SMC1B: variants seen among roughly 807,000 people sequenced by gnomAD.
SMC1B encodes structural maintenance of chromosomes protein 1B.
A neutral mutation model predicts 157.9 loss-of-function variants in SMC1B; 60 were observed. The observed-to-expected ratio is 0.38, with a 90% CI of 0.31 to 0.47. The LOEUF (loss-of-function observed/expected upper bound fraction) is 0.47. Ranked by LOEUF, SMC1B falls within the 20% of genes least tolerant of loss-of-function variation. The probability of loss-of-function intolerance (pLI) is 0.99; values close to 1 mark genes in which losing one functional copy is unlikely to be tolerated. For missense variants in SMC1B, 1,165 were observed against 1,426.2 expected (o/e 0.82, Z 2.95); for synonymous variants, 445 against 483.0 (o/e 0.92, Z 1.03).
rs892921763 is a variant in SMC1B, at chr22:45,370,201, G to A, written c.2314-141C>T. 15 of 433,164 alleles carry A rather than the reference G, an allele frequency of 3.5e-5. No individual in the cohort carries two copies. In the Admixed American group the frequency reaches 4.4e-4, roughly 13 times the overall value. 26.8% of individuals were successfully genotyped at this position (433,164 alleles called of 1,614,324 possible). On this transcript the variant is annotated intron_variant, in intron 14 of 24. Transcript: ENST00000357450. ...AGCATTACTGTATTCTGAGAAGCCAGTACTTTTTTTTCCTTTAATTCCATA... is the reference window on the plus strand; with the variant it reads ...AGCATTACTGTATTCTGAGAAGCCAATACTTTTTTTTCCTTTAATTCCATA...
chr22:45,358,805 A>T lies in SMC1B; in HGVS notation c.2863-10T>A. On this transcript the variant is annotated splice_polypyrimidine_tract_variant and intron_variant, in intron 18 of 24. Coordinates refer to ENST00000357450, the MANE Select transcript of SMC1B (RefSeq NM_148674.5). ...CTGCTTCAGTTCCCATCTGAAAAAT[A>T]TGTGAACACATACATTTGTTGATTA... 1 of 1,582,926 alleles carries T rather than the reference A, an allele frequency of 6.3e-7. No individual in the cohort carries two copies.
rs1300548963 is a variant in SMC1B at position 45,401,377 on chromosome 22, C to T, written c.854+956G>A. Reference sequence around the variant, plus strand: ...TACATAAGCAAGCTGGAAGCTTACACGAGTGAATGCCGGCAGCTGAGCCAA... The same window carrying T: ...TACATAAGCAAGCTGGAAGCTTACATGAGTGAATGCCGGCAGCTGAGCCAA... On this transcript the variant is annotated intron_variant, in intron 5 of 24. Transcript: ENST00000357450. 5.9e-5 allele frequency among the ~76,000 whole-genome samples: 9 copies of T among 152,320 alleles called. No individual in the cohort carries two copies. The East Asian group carries it at 1.2e-3, about 20-fold the overall frequency.
At position 45,349,818 on chromosome 22, in the gene SMC1B, A is replaced by C. The variant is rs574054819; in HGVS notation, c.3426-21T>G. 1.5e-5 allele frequency: 23 copies of C among 1,570,262 alleles called. No individual in the cohort carries two copies. The South Asian group carries it at 2.5e-4, about 17-fold the overall frequency. On this transcript the variant is annotated intron_variant, in intron 22 of 24. Coordinates refer to ENST00000357450, the MANE Select transcript of SMC1B (RefSeq NM_148674.5). ...GAAAACTAGAAAAAAATTACAATCAAGTAAGTTACAATTTTCTATTTGTTT... is the reference window on the plus strand; with the variant it reads ...GAAAACTAGAAAAAAATTACAATCACGTAAGTTACAATTTTCTATTTGTTT...
chr22:45,405,399 A>C (rs1482915431), intron 4 of SMC1B, among the ~76,000 whole-genome samples: 1 of 152,148 alleles, frequency 6.6e-6, no homozygotes. Flanking sequence ...ATACAAAAAA[A>C]AAATTAGCCA....
intron 15 of SMC1B, among the ~76,000 whole-genome samples, chr22:45,364,999 G>A (rs5765290): frequency 0.38 from 57,747 of 151,374 alleles, 13,503 homozygotes; most frequent in Non-Finnish European, 0.53. Context: ...CACCACGCCC[G>A]GCTAATTTTT....
intron 15 of SMC1B, among the ~76,000 whole-genome samples, chr22:45,366,890 T>C (rs372370921): frequency 3.9e-5 from 6 of 152,364 alleles, no homozygotes; most frequent in African/African-American, 1.2e-4. Flanking sequence ...TCAGGCTTAC[T>C]GATTCTTTCC....
Position 45,344,654 on chromosome 22 carries a change from C to T in SMC1B, c.3610G>A (p.Asp1204Asn), listed in dbSNP as rs757767569. 8 of 1,611,306 alleles carry T rather than the reference C, an allele frequency of 5.0e-6. No individual in the cohort carries two copies. The East Asian group carries it at 8.9e-5, about 18-fold the overall frequency. Residue 1204 changes from aspartate to asparagine, a missense_variant, in exon 25 of 25, where the codon GAT becomes AAT. Physicochemically the swap from Asp to Asn is conservative, Grantham distance 23. Coordinates refer to ENST00000357450, the MANE Select transcript of SMC1B (RefSeq NM_148674.5). ...AAAACTCGGCTGAACATGCAGTCAT[C>T]GTACTAAAATGGAGAGAAGACAGTT... ...DALIGIYPEY[D>N]DCMFSRVLTL...
intron 1 of SMC1B, among the ~76,000 whole-genome samples, chr22:45,411,990 T>C (rs2087341132): frequency 6.6e-6 from 1 of 151,982 alleles, no homozygotes; most frequent in Non-Finnish European, 1.5e-5. Flanking sequence ...GTGATTCTCC[T>C]GCCTCAGTCT....
At chr22:45,355,216 G>T (rs2086658144) in intron 19 of SMC1B, 101 bp from the exon 20 acceptor site, 2 of 1,146,036 alleles carry the variant, frequency 1.7e-6, no homozygotes, top group Non-Finnish European at 2.6e-6. Flanking sequence ...AGGTCCCTGT[G>T]CATCCACTCC....
At chr22:45,345,111 G>A (rs2086537443) in intron 24 of SMC1B, among the ~76,000 whole-genome samples, 1 of 152,082 alleles carries the variant, frequency 6.6e-6, no homozygotes, top group Non-Finnish European at 1.5e-5. Flanking sequence ...ATGGTTCCTT[G>A]CTCTACCACA....
Position 45,394,704 on chromosome 22 carries a change from C to T in SMC1B, c.1318G>A (p.Glu440Lys), listed in dbSNP as rs772880888. 1 of 1,562,282 alleles carries T rather than the reference C, an allele frequency of 6.4e-7. No homozygotes were observed. Among genetic ancestry groups the T allele is most frequent in the Non-Finnish European group, 8.7e-7 (1 of 1,148,574 alleles). ...ACCTACATGCATGTCTTTGTATACT[C>T]CTCTAACTTCTCTATTCGTTTTTTA... ...DHKKRIEKLE[E>K]YTKTCMDCLK... The change falls in exon 8 of 25, where the codon GAG (glutamate) becomes AAG (lysine). Residue 440 changes from glutamate to lysine, a missense_variant. Transcript: ENST00000357450.
At chr22:45,347,324 G>A (rs1246891770) in intron 23 of SMC1B, among the ~76,000 whole-genome samples, 2 of 152,150 alleles carry the variant, frequency 1.3e-5, no homozygotes, top group Non-Finnish European at 1.5e-5. Context: ...ATACTCTTGT[G>A]TATCCCTGGG....
intron 23 of SMC1B, among the ~76,000 whole-genome samples, chr22:45,348,807 T>C (rs1305355913): frequency 6.6e-6 from 1 of 151,438 alleles, no homozygotes; most frequent in Non-Finnish European, 1.5e-5. Context: ...CAGGTGATCC[T>C]CCCACCTCAG....
intron 12 of SMC1B, among the ~76,000 whole-genome samples, chr22:45,382,514 G>A (rs1318649937): frequency 6.6e-6 from 1 of 152,182 alleles, no homozygotes; most frequent in Non-Finnish European, 1.5e-5. Context: ...GCGGGGTGAA[G>A]AAAATGTTCT....
chr22:45,344,503 G>T lies in SMC1B; in HGVS notation c.*53C>A. On this transcript the variant is annotated 3_prime_UTR_variant, in exon 25 of 25. Coordinates refer to ENST00000357450, the MANE Select transcript of SMC1B (RefSeq NM_148674.5). ...GAAGTCTCCTGTGGAGGAGCTGTGT[G>T]AGTATTAGAGTGGGAACTGAACAGT... 1.6e-6 allele frequency: 2 copies of T among 1,273,790 alleles called. No homozygotes were observed. The highest frequency in any genetic ancestry group is 1.5e-5 in the African/African-American group (1 of 68,154). The allele number at this position is 1,273,790 out of a possible 1,614,324, so 78.9% of individuals were successfully genotyped here. A position where few individuals can be genotyped will look rare whatever the true frequency, so the allele number is the denominator to read the frequency against.
At chr22:45,345,729 A>AAAT (rs1412118116) in intron 23 of SMC1B, among the ~76,000 whole-genome samples, 160 bp from the exon 24 acceptor site, 1 of 152,220 alleles carries the variant, frequency 6.6e-6, no homozygotes. Context: ...GCAGAAATGG[A>AAAT]AATAGATTCT....
At chr22:45,385,291 G>C (rs577725634) in intron 11 of SMC1B, among the ~76,000 whole-genome samples, 1 of 152,038 alleles carries the variant, frequency 6.6e-6, no homozygotes, top group Non-Finnish European at 1.5e-5. Context: ...ACATACTATA[G>C]TTTATAAGTA....
At chr22:45,407,455 A>T (rs5765329) in intron 2 of SMC1B, among the ~76,000 whole-genome samples, 1 of 151,796 alleles carries the variant, frequency 6.6e-6, no homozygotes, top group African/African-American at 2.4e-5. Flanking sequence ...TCTCCTCTGC[A>T]CTATCTTTAT....
chr22:45,356,445 A>AT (rs1380770065), intron 19 of SMC1B, among the ~76,000 whole-genome samples: 5 of 152,196 alleles, frequency 3.3e-5, no homozygotes, highest in Non-Finnish European at 7.3e-5. Flanking sequence ...AATTTAGTTT[A>AT]TTTTACCAAG....
Sources: allele counts gnomAD v4.1 joint callset (sites outside exome capture counted in the v4.1 genomes callset), GRCh38; gene constraint gnomAD v4.1.1; transcripts MANE v1.5; gene names NCBI Gene and HGNC (gene_info 2026-07-23, HGNC 2026-07-21).